EPB41L5: variants seen among roughly 807,000 people sequenced by gnomAD.
EPB41L5 encodes the protein band 4.1-like protein 5.
EPB41L5 carries 55 observed loss-of-function variants against 106.6 expected under a neutral mutation model. The ratio of observed to expected loss-of-function variants is 0.52; its 90% CI spans 0.42 to 0.65. The LOEUF is 0.65. Among genes scored for constraint, EPB41L5 ranks in the 30% least tolerant of loss-of-function variants. EPB41L5 has a pLI of 0.00. For synonymous variants in EPB41L5, 297 were observed against 306.7 expected (o/e 0.97, Z 0.33); for missense variants, 871 against 882.1 (o/e 0.99, Z 0.16).
intron 1 of EPB41L5, 91 bp from the exon 2 acceptor site, chr2:120,018,986 G>A: frequency 8.8e-7 from 1 of 1,135,318 alleles, no homozygotes; most frequent in East Asian, 2.4e-5. Flanking sequence ...ATGTTCACAG[G>A]ACTTGACTAA....
At chr2:120,115,531 G>C (rs1440899912) in intron 16 of EPB41L5, among the ~76,000 whole-genome samples, 1 of 151,684 alleles carries the variant, frequency 6.6e-6, no homozygotes, top group Non-Finnish European at 1.5e-5. Flanking sequence ...GATTACAGGT[G>C]TCCACCACCA....
chr2:120,138,180 A>C (rs1176515703), intron 18 of EPB41L5, among the ~76,000 whole-genome samples: 1 of 151,998 alleles, frequency 6.6e-6, no homozygotes, highest in African/African-American at 2.4e-5. Context: ...AGAAAAAAAA[A>C]CTAAAAAAAC....
chr2:120,091,346 A>G (rs1683398233), intron 12 of EPB41L5, among the ~76,000 whole-genome samples: 1 of 152,222 alleles, frequency 6.6e-6, no homozygotes, highest in African/African-American at 2.4e-5. Context: ...CATATGAGAA[A>G]AATAAAACCA....
intron 16 of EPB41L5, among the ~76,000 whole-genome samples, chr2:120,114,069 A>C (rs775095230): frequency 6.6e-6 from 1 of 152,146 alleles, no homozygotes; most frequent in African/African-American, 2.4e-5. Flanking sequence ...GGAACTGCCA[A>C]ATTGTTTTTC....
rs151049412 is a variant in EPB41L5 at position 120,167,732 on chromosome 2, G to C, written c.2005-145G>C. 1.1e-3 allele frequency: 1,287 copies of C among 1,148,544 alleles called. 1 individual carries two copies. Among genetic ancestry groups the C allele is most frequent in the Non-Finnish European group, 1.5e-3 (1,232 of 802,008 alleles). The allele number at this position is 1,148,544 out of a possible 1,614,324, so 71.1% of individuals were successfully genotyped here. On this transcript the variant is annotated intron_variant, in intron 23 of 24. Transcript: ENST00000263713. ...AAGTAAAAGTCTCAGATGAAGAATA[G>C]TTAAGAAAAACAAAACAAACAGTCA...
At chr2:120,038,031 G>A (rs1174593714) in intron 2 of EPB41L5, among the ~76,000 whole-genome samples, 3 of 152,310 alleles carry the variant, frequency 2.0e-5, no homozygotes, top group South Asian at 2.1e-4. Context: ...CAACAAATAA[G>A]TTGGACTTCA....
chr2:120,098,156 T>TTGTGTGTGTGTGTG (rs60975047), intron 14 of EPB41L5, among the ~76,000 whole-genome samples: 24,090 of 133,440 alleles, frequency 0.18, 2,450 homozygotes, highest in South Asian at 0.29. Flanking sequence ...ATTGTTTGTT[T>TTGTGTGTGTGTGTG]TGTGTGTGTG....
chr2:120,014,970 TTAA>T (rs1677412937), intron 1 of EPB41L5, among the ~76,000 whole-genome samples: 1 of 70,580 alleles, frequency 1.4e-5, no homozygotes, highest in African/African-American at 3.5e-5. Context: ...TTCACAATCA[TTAA>T]AAAAAAAAAA....
chr2:120,114,392 A>C (rs1684858245), intron 16 of EPB41L5, among the ~76,000 whole-genome samples: 1 of 152,214 alleles, frequency 6.6e-6, no homozygotes, highest in African/African-American at 2.4e-5. Context: ...TACATAAGAT[A>C]TTGAACACTT....
intron 13 of EPB41L5, 82 bp downstream of exon 13, chr2:120,091,743 A>G: frequency 6.6e-6 from 7 of 1,054,154 alleles, no homozygotes; most frequent in Middle Eastern, 2.1e-4. Flanking sequence ...AGAGGAAGTT[A>G]CCTGAATCTC....
At chr2:120,054,755 T>C (rs1680526389) in intron 3 of EPB41L5, among the ~76,000 whole-genome samples, 1 of 152,168 alleles carries the variant, frequency 6.6e-6, no homozygotes. Flanking sequence ...TTAAAATGAC[T>C]TGAAGGGTCT....
chr2:120,074,256 T>C, intron 5 of EPB41L5, 78 bp downstream of exon 5: 2 of 1,084,032 alleles, frequency 1.8e-6, no homozygotes, highest in Non-Finnish European at 2.7e-6. Flanking sequence ...TTCCAATTTA[T>C]AGCCAGCTAA....
intron 3 of EPB41L5, among the ~76,000 whole-genome samples, chr2:120,060,371 C>T (rs1051330048): frequency 6.6e-6 from 1 of 152,074 alleles, no homozygotes; most frequent in Non-Finnish European, 1.5e-5. Context: ...CCACAGTGTC[C>T]TACAGTAAGT....
At chr2:120,159,188 G>A (rs1429205146) in intron 20 of EPB41L5, among the ~76,000 whole-genome samples, 4 of 151,670 alleles carry the variant, frequency 2.6e-5, no homozygotes, top group African/African-American at 9.7e-5. Flanking sequence ...ACTTTGGGAG[G>A]CCGAGGCGGG....
intron 3 of EPB41L5, among the ~76,000 whole-genome samples, chr2:120,053,942 T>A (rs760646855): frequency 2.6e-5 from 4 of 152,124 alleles, no homozygotes; most frequent in Non-Finnish European, 4.4e-5. Flanking sequence ...GTGCCTGTAG[T>A]TCCAGCTACT....
chr2:120,108,018 A>G (rs1313355060), intron 16 of EPB41L5: 2 of 152,198 alleles, frequency 1.3e-5, no homozygotes, highest in Non-Finnish European at 2.9e-5. Flanking sequence ...TGAAAGGAAA[A>G]TAACTTTGGC....
intron 1 of EPB41L5, among the ~76,000 whole-genome samples, chr2:120,014,320 A>G (rs1436150072): frequency 6.6e-6 from 1 of 152,208 alleles, no homozygotes; most frequent in Non-Finnish European, 1.5e-5. Flanking sequence ...TAGGAACTAG[A>G]GTAGAAACTA....
At chr2:120,063,648 T>C (rs1681235676) in intron 3 of EPB41L5, among the ~76,000 whole-genome samples, 1 of 151,314 alleles carries the variant, frequency 6.6e-6, no homozygotes, top group African/African-American at 2.4e-5. Flanking sequence ...AAAATAAAGG[T>C]TAAAAAAAAA....
At chr2:120,050,952 A>C (rs1680216572) in intron 3 of EPB41L5, among the ~76,000 whole-genome samples, 1 of 152,210 alleles carries the variant, frequency 6.6e-6, no homozygotes, top group Admixed American at 6.5e-5. Context: ...GGGTATCACC[A>C]GCGGAGGCTG....
Sources: gnomAD v4.1 joint callset for allele counts (sites outside exome capture counted in the v4.1 genomes callset) on GRCh38, gnomAD v4.1.1 for gene constraint, MANE v1.5 for transcripts, NCBI Gene and HGNC (gene_info 2026-07-23, HGNC 2026-07-21) for gene names.